Variants in RBPMS2 observed in about 807,000 individuals in gnomAD.
The protein encoded by RBPMS2 is RNA binding protein, mRNA processing factor 2, also known as RNA-binding protein with multiple splicing 2.
A neutral mutation model predicts 25.7 loss-of-function variants in RBPMS2; 14 were observed. That is an observed-to-expected ratio of 0.55 (90% CI 0.36 to 0.85). The LOEUF (loss-of-function observed/expected upper bound fraction) is 0.85, where lower values mean the gene tolerates loss of function less well. RBPMS2 is among the 40% of genes least tolerant of loss of function. RBPMS2 has a pLI of 0.01. For missense variants in RBPMS2, 252 were observed against 283.4 expected, an observed-to-expected ratio of 0.89 and a Z score of 0.80; for synonymous variants, 127 against 115.6, an observed-to-expected ratio of 1.10 and a Z score of -0.63.
chr15:64,769,366 G>C (rs1219415605), intron 1 of RBPMS2, among the ~76,000 whole-genome samples: 15 of 149,352 alleles, frequency 1.0e-4, no homozygotes, highest in Admixed American at 6.7e-5. Context: ...GGAGGTTGCG[G>C]TGAGCCGAGA....
chr15:64,742,218 C>T (rs963861452), intron 6 of RBPMS2, among the ~76,000 whole-genome samples: 2 of 152,180 alleles, frequency 1.3e-5, no homozygotes, highest in Admixed American at 1.3e-4. Flanking sequence ...GTGTAGACCC[C>T]AAGGGGTAGG....
chr15:64,742,592 C>T (rs1283584676), intron 6 of RBPMS2, among the ~76,000 whole-genome samples: 3 of 152,198 alleles, frequency 2.0e-5, no homozygotes, highest in Admixed American at 6.5e-5. Context: ...CACGGTGAAG[C>T]ATGTCTGTCC....
At position 64,744,789 on chromosome 15, in the gene RBPMS2, G is replaced by GTTTGT. The variant is rs770985658; in HGVS notation, c.568-3552_568-3548dup. ...AAGTCCTAATATTTAAGTTTTTTTG[G>GTTTGT]TTTGTTTTGTTTTTTTTTTTTTTTT... On this transcript the variant is annotated intron_variant, in intron 6 of 7. Transcript: ENST00000300069. Among the ~76,000 whole-genome samples the GTTTGT allele has an allele frequency of 1.3e-3, 83 of 61,616 alleles. 1 individual carries two copies. Among genetic ancestry groups the GTTTGT allele is most frequent in the African/African-American group, 3.1e-3 (51 of 16,302 alleles). 40.4% of individuals were successfully genotyped at this position (61,616 alleles called of 152,430 possible).
intron 3 of RBPMS2, among the ~76,000 whole-genome samples, chr15:64,749,842 G>T (rs2083659079): frequency 6.6e-6 from 1 of 152,202 alleles, no homozygotes; most frequent in Non-Finnish European, 1.5e-5. Context: ...TCCCCAGCAA[G>T]AAAGGGGACA....
intron 1 of RBPMS2, 29 bp downstream of exon 1, chr15:64,775,203 AC>A (rs2083921629): frequency 9.2e-6 from 11 of 1,190,420 alleles, no homozygotes; most frequent in Non-Finnish European, 1.2e-5. Context: ...CGTGCGCTTC[AC>A]CCGGCAAGTC....
chr15:64,754,611 C>CA (rs1271477831), intron 1 of RBPMS2, among the ~76,000 whole-genome samples: 277 of 139,872 alleles, frequency 2.0e-3, no homozygotes, highest in African/African-American at 6.4e-3. Flanking sequence ...AACTCCGTCT[C>CA]AAAAAAAAAA....
At chr15:64,759,821 C>G (rs960406604) in intron 1 of RBPMS2, among the ~76,000 whole-genome samples, 3 of 152,142 alleles carry the variant, frequency 2.0e-5, no homozygotes, top group African/African-American at 7.2e-5. Flanking sequence ...TACAGGAGCG[C>G]GCCACCATGC....
intron 2 of RBPMS2, among the ~76,000 whole-genome samples, chr15:64,750,711 T>C (rs2023382943): frequency 1.3e-5 from 2 of 152,196 alleles, no homozygotes; most frequent in South Asian, 4.1e-4. Context: ...ACACTGAATC[T>C]CAAAGATTCT....
At position 64,744,798 on chromosome 15, in the gene RBPMS2, G is replaced by GTTTT. The variant is rs748967917; in HGVS notation, c.568-3560_568-3557dup. On this transcript the variant is annotated intron_variant, in intron 6 of 7. Transcript: ENST00000300069. Reference sequence around the variant, plus strand: ...TATTTAAGTTTTTTTGGTTTGTTTTGTTTTTTTTTTTTTTTTTTTTTTTTT... The same window carrying GTTTT: ...TATTTAAGTTTTTTTGGTTTGTTTTGTTTTTTTTTTTTTTTTTTTTTTTTTTTTT... Among the ~76,000 whole-genome samples the GTTTT allele has an allele frequency of 4.1e-4, 19 of 46,294 alleles. 3 individuals are homozygous for GTTTT. Among genetic ancestry groups the GTTTT allele is most frequent in the East Asian group, 8.7e-4 (1 of 1,152 alleles). The allele number at this position is 46,294 out of a possible 152,430, so 30.4% of individuals were successfully genotyped here.
At chr15:64,765,592 G>A (rs111976450) in intron 1 of RBPMS2, among the ~76,000 whole-genome samples, 12 of 5,682 alleles carry the variant, frequency 2.1e-3, no homozygotes, top group East Asian at 0.056. Flanking sequence ...ATAAAAAAAA[G>A]GGCGGGGGGG....
At chr15:64,751,506 G>T in intron 2 of RBPMS2, 55 bp downstream of exon 2, 2 of 1,488,712 alleles carry the variant, frequency 1.3e-6, no homozygotes, top group Non-Finnish European at 1.9e-6. Context: ...ATTCACTCCC[G>T]CTGCTTCTCC....
intron 1 of RBPMS2, among the ~76,000 whole-genome samples, chr15:64,757,033 C>T (rs997984995): frequency 7.0e-6 from 1 of 143,186 alleles, no homozygotes; most frequent in South Asian, 2.2e-4. Context: ...AGTGCAGTGG[C>T]GCTATCATAG....
chr15:64,747,676 T>C (rs1290973132), intron 6 of RBPMS2, among the ~76,000 whole-genome samples: 1 of 152,202 alleles, frequency 6.6e-6, no homozygotes, highest in East Asian at 1.9e-4. Context: ...CCTGCACTTG[T>C]GGCCAAGTCA....
At chr15:64,770,693 G>C (rs1162289447) in intron 1 of RBPMS2, among the ~76,000 whole-genome samples, 2 of 152,066 alleles carry the variant, frequency 1.3e-5, no homozygotes, top group Non-Finnish European at 2.9e-5. Context: ...AAATGCTATT[G>C]ATGTTAAAGA....
chr15:64,768,029 G>A (rs12900356), intron 1 of RBPMS2, among the ~76,000 whole-genome samples: 132,381 of 152,212 alleles, frequency 0.87, 58,791 homozygotes, highest in East Asian at 0.96. Context: ...CAGATTGCCC[G>A]TATGTGGAAA....
chr15:64,755,744 A>T (rs1379783431), intron 1 of RBPMS2, among the ~76,000 whole-genome samples: 3 of 152,184 alleles, frequency 2.0e-5, no homozygotes, highest in African/African-American at 7.2e-5. Flanking sequence ...GGAGCAGGGG[A>T]AGCGTGGGCT....
At chr15:64,764,920 CAAAAA>C (rs34364733) in intron 1 of RBPMS2, among the ~76,000 whole-genome samples, 1 of 103,370 alleles carries the variant, frequency 9.7e-6, no homozygotes, top group Non-Finnish European at 1.9e-5. Flanking sequence ...GACTCCGTCT[CAAAAA>C]AAAAAAAAAA....
chr15:64,775,391 G>A lies in RBPMS2; in HGVS notation c.-72C>T, dbSNP rs946891777. 3 of 891,796 alleles carry A rather than the reference G, an allele frequency of 3.4e-6. No homozygotes were observed. The highest frequency in any genetic ancestry group is 3.6e-5 in the African/African-American group (2 of 56,334). The allele number at this position is 891,796 out of a possible 1,614,324, so 55.2% of individuals were successfully genotyped here. On this transcript the variant is annotated 5_prime_UTR_variant, in exon 1 of 8. Transcript: ENST00000300069. Reference sequence around the variant, plus strand: ...CGCCGGCCCCGCGGGAAGTGGGAAGGGGCGCGGGGAGCGGTGCGCTCGCGG... The same window carrying A: ...CGCCGGCCCCGCGGGAAGTGGGAAGAGGCGCGGGGAGCGGTGCGCTCGCGG...
intron 1 of RBPMS2, chr15:64,761,065 C>A (rs549848487): frequency 1.3e-5 from 2 of 152,072 alleles, no homozygotes; most frequent in African/African-American, 4.8e-5. Context: ...TTGCAGCAAC[C>A]CTTTAGCATC....
Sources: allele counts gnomAD v4.1 joint callset (sites outside exome capture counted in the v4.1 genomes callset), GRCh38; gene constraint gnomAD v4.1.1; transcripts MANE v1.5; gene names NCBI Gene and HGNC (gene_info 2026-07-23, HGNC 2026-07-21).